The following CERS2 variants were observed in gnomAD, a reference collection of about 807,000 sequenced individuals.
The protein encoded by CERS2 is LAG1 homolog, ceramide synthase 2.
A neutral mutation model predicts 56.6 loss-of-function variants in CERS2; 20 were observed. That is an observed-to-expected ratio of 0.35 (90% confidence interval 0.25 to 0.51). The LOEUF is 0.51. Among genes scored for constraint, CERS2 ranks in the 20% least tolerant of loss-of-function variants. The pLI, the probability that CERS2 is intolerant of heterozygous loss-of-function variation, is 0.96. For missense variants in CERS2, 361 were observed against 488.6 expected (o/e 0.74, Z 2.46); for synonymous variants, 187 against 175.4 (o/e 1.07, Z -0.52).
At chr1:150,970,547 G>GT (rs1225019421) in intron 1 of CERS2, among the ~76,000 whole-genome samples, 3 of 152,160 alleles carry the variant, frequency 2.0e-5, no homozygotes, top group Non-Finnish European at 4.4e-5. Flanking sequence ...CTGGAGTGCA[G>GT]TGGTACAATC....
rs908471330 is a variant in CERS2 at position 150,966,592 on chromosome 1, A to G, written c.886T>C (p.Tyr296His). ...HCTLVYPLEL[Y>H]PAFFGYYFFN... ...AAGTAATAGCCAAAGAAGGCAGGAT[A>G]GAGCTCCAGTGGGTACACCAGGGTG... Residue 296 changes from tyrosine (Y) to histidine (H), a missense_variant, in exon 10 of 11, where the codon TAT (tyrosine) becomes CAT (histidine). Around this residue, in one of 3 missense-constraint regions of CERS2, gnomAD observed 122 missense variants for 151.9 expected, o/e 0.80. Transcript: ENST00000368954. The G allele has an allele frequency of 1.9e-6, 3 of 1,613,984 alleles. No individual in the cohort carries two copies. In the African/African-American group the frequency reaches 4.0e-5, roughly 22 times the overall value.
Position 150,966,746 on chromosome 1 carries a change from G to C in CERS2, c.848+10C>G. On this transcript the variant is annotated intron_variant, in intron 9 of 10. Transcript: ENST00000368954. The stretch of plus-strand genomic sequence containing the variant: ...TTCAGAACAGGAGTGTAGCCTAGCT[G>C]CCTACTCACCAGAAGGGCAGGATGA... 6.2e-7 allele frequency: 1 copy of C among 1,607,962 alleles called. No individual in the cohort carries two copies. The highest frequency in any genetic ancestry group is 1.1e-5 in the South Asian group (1 of 90,928).
intron 1 of CERS2, chr1:150,973,051 C>T (rs911078340): frequency 6.6e-6 from 1 of 152,198 alleles, no homozygotes; most frequent in Non-Finnish European, 1.5e-5. Context: ...ACAAAGGTCC[C>T]ACCGGCTCCC....
At position 150,967,343 on chromosome 1, in the gene CERS2, AG is replaced by A. The variant is rs587726816; in HGVS notation, c.612+48del. ...AGTCAAAGGAGAGGGTGTTCATCCC[AG>A]GGCCTCATTTTGGCTCTGAGGCTTA... On this transcript the variant is annotated intron_variant, in intron 7 of 10. Coordinates refer to ENST00000368954, the MANE Select transcript of CERS2 (RefSeq NM_022075.5). 1.6e-4 allele frequency: 230 copies of A among 1,439,202 alleles called. 4 individuals are homozygous for A. In the South Asian group the frequency reaches 2.5e-3, roughly 16 times the overall value. The allele number at this position is 1,439,202 out of a possible 1,614,324, so 89.2% of individuals were successfully genotyped here. A position where few individuals can be genotyped will look rare whatever the true frequency, so the allele number is the denominator to read the frequency against.
intron 1 of CERS2, chr1:150,974,414 G>A (rs2102775778): frequency 6.7e-6 from 1 of 148,484 alleles, no homozygotes; most frequent in Admixed American, 6.7e-5. Context: ...GAGGCGCTGC[G>A]CCCGCCTTAC....
intron 1 of CERS2, among the ~76,000 whole-genome samples, chr1:150,972,956 C>T (rs587664647): frequency 6.6e-6 from 1 of 152,304 alleles, no homozygotes; most frequent in Admixed American, 6.5e-5. Context: ...TTCTCTCAGA[C>T]TCCAGGTGGT....
rs1409151342 is a variant in CERS2 at position 150,965,202 on chromosome 1, C to T, written c.*946G>A. 1.3e-5 allele frequency: 2 copies of T among 152,494 alleles called. No homozygotes were observed. Among genetic ancestry groups the T allele is most frequent in the African/African-American group, 4.8e-5 (2 of 41,394 alleles). The allele number at this position is 152,494 out of a possible 1,614,324, so 9.4% of individuals were successfully genotyped here. A position where few individuals can be genotyped will look rare whatever the true frequency, so the allele number is the denominator to read the frequency against. On this transcript the variant is annotated 3_prime_UTR_variant, in exon 11 of 11. Coordinates refer to ENST00000368954, the MANE Select transcript of CERS2 (RefSeq NM_022075.5). ...AGGAAGGCATAAGAAAGACTCTCTT[C>T]GTTTATTTAGTTGATCCCCCTTCTC... is the stretch of plus-strand genomic sequence containing the variant.
rs987811216 is a variant in CERS2, at chr1:150,968,148, C to A, written c.345G>T (p.Glu115Asp). The A allele has an allele frequency of 6.2e-7, 1 of 1,609,842 alleles. No homozygotes were observed. Among genetic ancestry groups the A allele is most frequent in the Admixed American group, 1.7e-5 (1 of 60,018 alleles). ...GGTTGCGGCGGCGACGGAACCAACGCTCTACCTGGCGGCCAGAGAGCCCGC... is the reference window on the plus strand; with the variant it reads ...GGTTGCGGCGGCGACGGAACCAACGATCTACCTGGCGGCCAGAGAGCCCGC... ...RQSGLSGRQVERWFRRRRNQD... is the reference protein window; with the variant it reads ...RQSGLSGRQVDRWFRRRRNQD... Residue 115 changes from glutamate (E) to aspartate (D), a missense_variant, in exon 4 of 11, where the codon GAG (glutamate) becomes GAT (aspartate). Glu to Asp is a conservative substitution (Grantham distance 45). Transcript: ENST00000368954.
intron 1 of CERS2, among the ~76,000 whole-genome samples, chr1:150,970,712 T>G (rs866388733): frequency 1.8e-4 from 27 of 152,208 alleles, no homozygotes; most frequent in African/African-American, 6.3e-4. Flanking sequence ...GAAACAGGGT[T>G]TTGCCATGTT....
At chr1:150,970,829 G>T (rs1196420226) in intron 1 of CERS2, among the ~76,000 whole-genome samples, 1 of 152,124 alleles carries the variant, frequency 6.6e-6, no homozygotes, top group Non-Finnish European at 1.5e-5. Flanking sequence ...GAGCTATTTC[G>T]TATAAATGCT....
chr1:150,966,658 G>A lies in CERS2; in HGVS notation c.849-29C>T, dbSNP rs1455013704. The A allele has an allele frequency of 5.0e-6, 8 of 1,613,144 alleles. No homozygotes were observed. In the African/African-American group the frequency reaches 1.1e-4, roughly 22 times the overall value. On this transcript the variant is annotated intron_variant, in intron 9 of 10. Coordinates refer to ENST00000368954, the MANE Select transcript of CERS2 (RefSeq NM_022075.5). ...AGGATTCAAGGAGAGAGAGAACGTG[G>A]ACAAGAGCAGGTCAGACACCGGGGA...
chr1:150,971,353 G>A (rs890098641), intron 1 of CERS2, among the ~76,000 whole-genome samples: 2 of 152,112 alleles, frequency 1.3e-5, no homozygotes, highest in Non-Finnish European at 2.9e-5. Flanking sequence ...GACAGCTCCC[G>A]CTCCACCCCC....
chr1:150,973,753 A>G lies in CERS2; in HGVS notation c.-2+866T>C, dbSNP rs775828060. On this transcript the variant is annotated intron_variant, in intron 1 of 10. Coordinates refer to ENST00000368954, the MANE Select transcript of CERS2 (RefSeq NM_022075.5). ...TGCTCGGACTCACTTCTCCAGGAAC[A>G]GGGGCTCACTGCATTCGCCACGATC... is the stretch of plus-strand genomic sequence containing the variant. 8.4e-4 allele frequency among the ~76,000 whole-genome samples: 128 copies of G among 152,224 alleles called. 1 individual carries two copies. The highest frequency in any genetic ancestry group is 1.6e-3 in the Non-Finnish European group (108 of 68,034).
chr1:150,973,385 C>T (rs918257043), intron 1 of CERS2, among the ~76,000 whole-genome samples: 5 of 152,300 alleles, frequency 3.3e-5, no homozygotes, highest in South Asian at 4.1e-4. Flanking sequence ...ACAGCTGGGG[C>T]GGTGTTGAAG....
chr1:150,971,014 A>G (rs1207882293), intron 1 of CERS2, among the ~76,000 whole-genome samples: 2 of 152,206 alleles, frequency 1.3e-5, no homozygotes, highest in Non-Finnish European at 2.9e-5. Flanking sequence ...TCATGAGGGA[A>G]GAGCAGCTGC....
In CERS2 at chr1:150,969,068, T is replaced by C; in HGVS notation, c.23A>G (p.Tyr8Cys). 1 of 1,613,730 alleles carries C rather than the reference T, an allele frequency of 6.2e-7. No homozygotes were observed. The highest frequency in any genetic ancestry group is 8.5e-7 in the Non-Finnish European group (1 of 1,179,978). The change falls in exon 2 of 11, where the codon TAC (tyrosine) becomes TGC (cysteine). Residue 8 changes from tyrosine (Y) to cysteine (C), a missense_variant. By Grantham distance (194) the Tyr-to-Cys change is radical. Transcript: ENST00000368954. MLQTLYD[Y>C]FWWERLWLPV... ...CAGCCACAGACGTTCCCACCAGAAGTAATCATACAAGGTCTGGAGCATCCT... is the reference window on the plus strand; with the variant it reads ...CAGCCACAGACGTTCCCACCAGAAGCAATCATACAAGGTCTGGAGCATCCT...
At chr1:150,966,980 A>T in intron 8 of CERS2, 94 bp downstream of exon 8, 1 of 1,514,752 alleles carries the variant, frequency 6.6e-7, no homozygotes, top group Non-Finnish European at 9.1e-7. Context: ...CAGGAATGTC[A>T]TCCTCCAAAT....
chr1:150,969,648 T>C (rs1671127647), intron 1 of CERS2, among the ~76,000 whole-genome samples: 1 of 151,946 alleles, frequency 6.6e-6, no homozygotes, highest in Non-Finnish European at 1.5e-5. Context: ...TTGGGGTCCT[T>C]ACAACCTCTG....
At chr1:150,967,900 C>G (rs747769506) in intron 4 of CERS2, 23 bp from the exon 5 acceptor site, 11 of 1,599,156 alleles carry the variant, frequency 6.9e-6, no homozygotes, top group South Asian at 1.1e-5. Flanking sequence ...GCAGAAATGG[C>G]TAGGTCAGAG....
Sources: gnomAD v4.1 joint callset for allele counts (sites outside exome capture counted in the v4.1 genomes callset) on GRCh38, gnomAD v4.1.1 for gene constraint, gnomAD v4.1.1 regional missense constraint, MANE v1.5 for transcripts, NCBI Gene and HGNC (gene_info 2026-07-23, HGNC 2026-07-21) for gene names.